CAPN9: variants seen among roughly 807,000 people sequenced by gnomAD.
The protein encoded by CAPN9 is calpain-9.
CAPN9 carries 81 observed loss-of-function variants against 92.8 expected under a neutral mutation model. The ratio of observed to expected loss-of-function variants is 0.87; its 90% confidence interval spans 0.73 to 1.05. CAPN9 has a LOEUF of 1.05. Among genes scored for constraint, CAPN9 ranks in the 50% least tolerant of loss-of-function variants. The pLI is 0.00. For synonymous variants in CAPN9, 304 were observed against 328.0 expected, an observed-to-expected ratio of 0.93 and a Z score of 0.79; for missense variants, 848 against 866.2, an observed-to-expected ratio of 0.98 and a Z score of 0.26.
At chr1:230,772,217 A>T (rs1397628978) in intron 7 of CAPN9, 118 bp downstream of exon 7, 2 of 821,322 alleles carry the variant, frequency 2.4e-6, no homozygotes, top group Non-Finnish European at 2.0e-6. Context: ...CTGACTCAGG[A>T]TCCTGTCCCG....
rs1346464292 is a variant in CAPN9 at position 230,800,274 on chromosome 1, GAA to G, written c.2047-1294_2047-1293del. 2.3e-5 allele frequency among the ~76,000 whole-genome samples: 3 copies of G among 132,326 alleles called. 1 individual carries two copies. Among genetic ancestry groups the G allele is most frequent in the Non-Finnish European group, 4.9e-5 (3 of 60,758 alleles). The allele number at this position is 132,326 out of a possible 152,430, so 86.8% of individuals were successfully genotyped here. A position where few individuals can be genotyped will look rare whatever the true frequency, so the allele number is the denominator to read the frequency against. On this transcript the variant is annotated intron_variant, in intron 19 of 19. Transcript: ENST00000271971. The stretch of plus-strand genomic sequence containing the variant: ...AGAAAGAAAGAAAGAAAGAAAGAAA[GAA>G]AGAAAGAAAGAAAGAAAGAAAGAAA...
chr1:230,779,069 G>A lies in CAPN9; in HGVS notation c.1050G>A (p.Glu350=), dbSNP rs1667030765. The A allele has an allele frequency of 6.2e-7, 1 of 1,613,478 alleles. No homozygotes were observed. The highest frequency in any genetic ancestry group is 1.3e-5 in the African/African-American group (1 of 74,906). ...AGGAAGACGCGATCCACAAATGGGA[G>A]GTGACGGTCCATCAGGGAAGCTGGG... ...ALEEDAIHKW[E]VTVHQGSWVR... The change falls in exon 9 of 20, where the codon GAG becomes GAA. Residue 350 remains glutamate (E), a synonymous_variant. Transcript: ENST00000271971.
At chr1:230,791,604 T>G (rs531513366) in intron 14 of CAPN9, among the ~76,000 whole-genome samples, 3 of 152,318 alleles carry the variant, frequency 2.0e-5, no homozygotes, top group African/African-American at 7.2e-5. Flanking sequence ...AATCTTCATA[T>G]GTTATTCTTT....
intron 7 of CAPN9, among the ~76,000 whole-genome samples, chr1:230,773,342 G>C (rs1205665572): frequency 6.6e-6 from 1 of 152,202 alleles, no homozygotes; most frequent in East Asian, 1.9e-4. Flanking sequence ...GGCAGAAATG[G>C]AAAGCACAGA....
chr1:230,780,682 C>T lies in CAPN9; in HGVS notation c.1455C>T (p.Ile485=), dbSNP rs1667160390. 2 of 1,614,064 alleles carry T rather than the reference C, an allele frequency of 1.2e-6. No individual in the cohort carries two copies. The highest frequency in any genetic ancestry group is 3.3e-4 in the Middle Eastern group (2 of 6,062). Residue 485 remains isoleucine, a synonymous_variant, in exon 11 of 20, where the codon ATC becomes ATT. Coordinates refer to ENST00000271971, the MANE Select transcript of CAPN9 (RefSeq NM_006615.3). The part of the protein sequence containing the change: ...PHQEADFCLR[I]FSEKKAITRD... ...AGGAAGCTGATTTCTGTCTGAGAAT[C>T]TTTTCAGAGAAAAAAGCCATTACCC...
intron 17 of CAPN9, among the ~76,000 whole-genome samples, chr1:230,794,430 G>A (rs748588452): frequency 1.1e-4 from 16 of 151,996 alleles, no homozygotes; most frequent in Admixed American, 4.6e-4. Flanking sequence ...GCACTGAGCC[G>A]AGATTGCACC....
intron 2 of CAPN9, among the ~76,000 whole-genome samples, chr1:230,757,794 G>C (rs535078793): frequency 2.0e-5 from 3 of 152,036 alleles, no homozygotes; most frequent in African/African-American, 7.2e-5. Context: ...GTGGGGGTAG[G>C]GGTGGAGCTG....
intron 11 of CAPN9, 135 bp from the exon 12 acceptor site, chr1:230,785,844 CTG>C: frequency 1.2e-6 from 1 of 822,066 alleles, no homozygotes; most frequent in South Asian, 1.6e-5. Context: ...TCTGCAAACT[CTG>C]TGAAATGTAA....
chr1:230,749,443 G>A (rs976837775), intron 1 of CAPN9, among the ~76,000 whole-genome samples: 23 of 152,312 alleles, frequency 1.5e-4, no homozygotes, highest in South Asian at 4.2e-4. Context: ...CGGCCTCGGC[G>A]CATGAACAAA....
At chr1:230,789,160 G>A (rs1394219554) in intron 13 of CAPN9, among the ~76,000 whole-genome samples, 1 of 151,994 alleles carries the variant, frequency 6.6e-6, no homozygotes, top group African/African-American at 2.4e-5. Flanking sequence ...CATAACACAC[G>A]GCTAGCGCAA....
At chr1:230,758,239 C>T (rs1229944230) in intron 2 of CAPN9, among the ~76,000 whole-genome samples, 1 of 152,212 alleles carries the variant, frequency 6.6e-6, no homozygotes, top group East Asian at 1.9e-4. Flanking sequence ...CAGCCCACAG[C>T]AGAGGTCACT....
At chr1:230,799,254 G>T (rs2102945358) in intron 19 of CAPN9, among the ~76,000 whole-genome samples, 1 of 152,342 alleles carries the variant, frequency 6.6e-6, no homozygotes, top group East Asian at 1.9e-4. Flanking sequence ...TGTTTTAGAG[G>T]ATTGTACCTC....
intron 8 of CAPN9, among the ~76,000 whole-genome samples, chr1:230,775,581 C>T (rs986428587): frequency 2.0e-5 from 3 of 152,162 alleles, no homozygotes; most frequent in Non-Finnish European, 4.4e-5. Flanking sequence ...GTGCTCCAAC[C>T]AATCAAGTCT....
intron 3 of CAPN9, among the ~76,000 whole-genome samples, chr1:230,761,926 CACAT>C (rs1434419473): frequency 6.6e-6 from 1 of 152,232 alleles, no homozygotes; most frequent in Non-Finnish European, 1.5e-5. Flanking sequence ...CACTTGCAAA[CACAT>C]GCATGCACAC....
At chr1:230,789,713 A>G (rs887481660) in intron 13 of CAPN9, among the ~76,000 whole-genome samples, 1 of 152,118 alleles carries the variant, frequency 6.6e-6, no homozygotes, top group African/African-American at 2.4e-5. Flanking sequence ...ATGCGGGACT[A>G]TTTTAAAGCT....
At chr1:230,781,832 A>G (rs533456891) in intron 11 of CAPN9, among the ~76,000 whole-genome samples, 1 of 152,342 alleles carries the variant, frequency 6.6e-6, no homozygotes, top group African/African-American at 2.4e-5. Context: ...CATGCATTGA[A>G]AAGACTCTCA....
chr1:230,794,672 C>T (rs1232853659), intron 17 of CAPN9, among the ~76,000 whole-genome samples: 1 of 152,078 alleles, frequency 6.6e-6, no homozygotes, highest in Non-Finnish European at 1.5e-5. Context: ...TAGGAATGGG[C>T]CCTGGCAGAG....
intron 1 of CAPN9, among the ~76,000 whole-genome samples, chr1:230,750,957 AGAG>A (rs1467414530): frequency 6.6e-6 from 1 of 152,172 alleles, no homozygotes; most frequent in Non-Finnish European, 1.5e-5. Context: ...GTGCACAGAA[AGAG>A]GAGGAGGGAG....
intron 19 of CAPN9, 39 bp downstream of exon 19, chr1:230,798,259 G>A (rs1248682220): frequency 3.5e-6 from 5 of 1,441,250 alleles, no homozygotes; most frequent in Non-Finnish European, 4.9e-6. Context: ...GGACCCAGCT[G>A]GGGCCCAGCA....
Sources: allele counts gnomAD v4.1 joint callset (sites outside exome capture counted in the v4.1 genomes callset), GRCh38; gene constraint gnomAD v4.1.1; transcripts MANE v1.5; gene names NCBI Gene and HGNC (gene_info 2026-07-23, HGNC 2026-07-21).